Variants in RRAS2 observed in about 807,000 individuals in gnomAD.
RRAS2 encodes the protein RAS related 2.
A neutral mutation model predicts 27.6 loss-of-function variants in RRAS2; 7 were observed. That is an observed-to-expected ratio of 0.25 (90% CI 0.14 to 0.48). The LOEUF is 0.48. RRAS2 is among the 20% of genes least tolerant of loss of function. The pLI is 0.99. For synonymous variants in RRAS2, 86 were observed against 90.9 expected, an observed-to-expected ratio of 0.95 and a Z score of 0.31; for missense variants, 178 against 256.2, an observed-to-expected ratio of 0.69 and a Z score of 2.08.
At chr11:14,288,261 T>C (rs149752912) in intron 4 of RRAS2, among the ~76,000 whole-genome samples, 121 of 152,282 alleles carry the variant, frequency 7.9e-4, no homozygotes, top group African/African-American at 2.9e-3. Flanking sequence ...TCACAGGTGT[T>C]TGCCACCATG....
intron 1 of RRAS2, among the ~76,000 whole-genome samples, chr11:14,350,391 G>A (rs1291211195): frequency 6.6e-6 from 1 of 152,088 alleles, no homozygotes; most frequent in Non-Finnish European, 1.5e-5. Context: ...GTTAAAAAGA[G>A]CCTGGCGCCT....
intron 1 of RRAS2, among the ~76,000 whole-genome samples, chr11:14,318,822 C>A (rs556103834): frequency 1.3e-5 from 2 of 152,322 alleles, no homozygotes; most frequent in African/African-American, 4.8e-5. Flanking sequence ...CAGACTTTTA[C>A]AAAACTTAAG....
intron 1 of RRAS2, among the ~76,000 whole-genome samples, chr11:14,317,191 T>C (rs560918069): frequency 6.6e-5 from 10 of 152,250 alleles, no homozygotes; most frequent in Non-Finnish European, 1.2e-4. Flanking sequence ...ATCCAAGTTA[T>C]GGAAGAAGAG....
At chr11:14,329,761 C>T (rs569146631) in intron 1 of RRAS2, among the ~76,000 whole-genome samples, 75 of 152,282 alleles carry the variant, frequency 4.9e-4, no homozygotes, top group South Asian at 3.9e-3. Context: ...TGAAAGGACA[C>T]ATTTTAAATT....
intron 1 of RRAS2, among the ~76,000 whole-genome samples, chr11:14,298,217 C>A (rs1554946940): frequency 6.6e-6 from 1 of 152,172 alleles, no homozygotes; most frequent in African/African-American, 2.4e-5. Flanking sequence ...GCTTTTATAT[C>A]TTGTAAAACC....
upstream of RRAS2, among the ~76,000 whole-genome samples, chr11:14,362,668 A>G (rs1849205710): frequency 1.3e-5 from 2 of 152,358 alleles, no homozygotes. Context: ...AGAACAATAG[A>G]GATCATCCCC....
intron 1 of RRAS2, among the ~76,000 whole-genome samples, chr11:14,316,937 A>G (rs572901906): frequency 2.0e-5 from 3 of 152,348 alleles, no homozygotes; most frequent in Admixed American, 2.0e-4. Flanking sequence ...GAGGCAAGAC[A>G]AGAGAACAAA....
At chr11:14,346,065 C>T (rs1242786710) in intron 1 of RRAS2, among the ~76,000 whole-genome samples, 2 of 152,046 alleles carry the variant, frequency 1.3e-5, no homozygotes, top group African/African-American at 4.8e-5. Context: ...GACAAGAGAA[C>T]ATTACCGTTG....
chr11:14,342,675 A>G (rs1554953424), intron 1 of RRAS2, among the ~76,000 whole-genome samples: 2 of 152,210 alleles, frequency 1.3e-5, no homozygotes, highest in African/African-American at 4.8e-5. Context: ...TCATAATTCT[A>G]TTGAAATTAA....
At position 14,294,419 on chromosome 11, in the gene RRAS2, C is replaced by T. The variant is rs375051176; in HGVS notation, c.408+52G>A. 2.9e-4 allele frequency: 335 copies of T among 1,168,030 alleles called. 1 individual carries two copies. The Middle Eastern group carries it at 4.3e-3, about 15-fold the overall frequency. The allele number at this position is 1,168,030 out of a possible 1,614,324, so 72.4% of individuals were successfully genotyped here. A position where few individuals can be genotyped will look rare whatever the true frequency, so the allele number is the denominator to read the frequency against. ...AATTATTTCCTTAAATCTATCAGTT[C>T]ACTCACATGATTATAAACAATTGGT... On this transcript the variant is annotated intron_variant, in intron 4 of 5. Coordinates refer to ENST00000256196, the MANE Select transcript of RRAS2 (RefSeq NM_012250.6).
At chr11:14,328,694 C>T (rs900280742) in intron 1 of RRAS2, among the ~76,000 whole-genome samples, 2 of 150,402 alleles carry the variant, frequency 1.3e-5, no homozygotes, top group African/African-American at 2.4e-5. Context: ...ACAAGAGTTT[C>T]GCTCTTGTTG....
intron 1 of RRAS2, among the ~76,000 whole-genome samples, chr11:14,351,560 C>T (rs1554954777): frequency 6.6e-6 from 1 of 152,080 alleles, no homozygotes; most frequent in East Asian, 1.9e-4. Flanking sequence ...AACTCCGTCT[C>T]TACTAAAAAT....
intron 1 of RRAS2, among the ~76,000 whole-genome samples, chr11:14,346,093 A>C (rs1848823582): frequency 6.6e-6 from 1 of 152,226 alleles, no homozygotes; most frequent in Admixed American, 6.5e-5. Flanking sequence ...TCAGACCGAG[A>C]AATCAAGGGC....
chr11:14,362,189 T>C (rs1453293288), upstream of RRAS2, among the ~76,000 whole-genome samples: 1 of 152,202 alleles, frequency 6.6e-6, no homozygotes, highest in African/African-American at 2.4e-5. Flanking sequence ...AAACATTGGA[T>C]TGTATGCTTT....
chr11:14,316,529 CAGG>C (rs1848111091), intron 1 of RRAS2, among the ~76,000 whole-genome samples: 1 of 152,158 alleles, frequency 6.6e-6, no homozygotes, highest in African/African-American at 2.4e-5. Context: ...TGCTTGAGCC[CAGG>C]AGTTCAAGAC....
At chr11:14,290,736 T>C (rs1849789303) in intron 4 of RRAS2, among the ~76,000 whole-genome samples, 1 of 152,154 alleles carries the variant, frequency 6.6e-6, no homozygotes, top group Non-Finnish European at 1.5e-5. Context: ...CAATTAGTGA[T>C]ACTGACAGTG....
intron 1 of RRAS2, among the ~76,000 whole-genome samples, chr11:14,350,209 G>C (rs549854814): frequency 4.7e-4 from 71 of 152,134 alleles, no homozygotes; most frequent in Non-Finnish European, 8.4e-4. Context: ...TGTAAGTTTG[G>C]TTTGTGCGAT....
At chr11:14,347,724 G>A (rs1367143906) in intron 1 of RRAS2, among the ~76,000 whole-genome samples, 1 of 152,118 alleles carries the variant, frequency 6.6e-6, no homozygotes, top group Non-Finnish European at 1.5e-5. Flanking sequence ...GCAGAGGCAG[G>A]AAGATCATTT....
In RRAS2 at chr11:14,349,307, A is replaced by G. The variant is rs1312202185; in HGVS notation, c.108+9456T>C. On this transcript the variant is annotated intron_variant, in intron 1 of 5. Transcript: ENST00000256196. ...GCTAGGACTATAGGCACCCGCCACC[A>G]CACCCGGCTAATTTTTTTTTTTTTT... is the stretch of plus-strand genomic sequence containing the variant. Among the ~76,000 whole-genome samples, 159 of 148,258 alleles carry G rather than the reference A, an allele frequency of 1.1e-3. 1 individual carries two copies. The highest frequency in any genetic ancestry group is 3.2e-3 in the African/African-American group (129 of 40,466).
Sources: allele counts gnomAD v4.1 joint callset (sites outside exome capture counted in the v4.1 genomes callset), GRCh38; gene constraint gnomAD v4.1.1; transcripts MANE v1.5; gene names NCBI Gene and HGNC (gene_info 2026-07-23, HGNC 2026-07-21).